Variants in COG5 observed in about 807,000 individuals in gnomAD.
COG5 encodes component of oligomeric golgi complex 5.
A neutral mutation model predicts 110.4 loss-of-function variants in COG5; 86 were observed. The ratio of observed to expected loss-of-function variants is 0.78; its 90% CI spans 0.65 to 0.93. The LOEUF is 0.93. COG5 is among the 40% of genes least tolerant of loss of function. The probability of loss-of-function intolerance (pLI) is 0.00; values close to 1 mark genes in which losing one functional copy is unlikely to be tolerated. For synonymous variants in COG5, 360 were observed against 334.6 expected, an observed-to-expected ratio of 1.08 and a Z score of -0.83; for missense variants, 1,077 against 987.0, an observed-to-expected ratio of 1.09 and a Z score of -1.22.
intron 11 of COG5, among the ~76,000 whole-genome samples, chr7:107,317,080 C>G (rs939652725): frequency 4.6e-5 from 7 of 152,064 alleles, no homozygotes; most frequent in Middle Eastern, 6.8e-3. Context: ...ATTTACCAAC[C>G]TATCTGAAAC....
intron 6 of COG5, among the ~76,000 whole-genome samples, chr7:107,424,182 A>G (rs1186249342): frequency 6.6e-6 from 1 of 152,088 alleles, no homozygotes; most frequent in East Asian, 1.9e-4. Flanking sequence ...CTGAGGCACA[A>G]GAATCACTTG....
At chr7:107,336,393 C>T (rs971511801) in intron 10 of COG5, among the ~76,000 whole-genome samples, 21 of 151,650 alleles carry the variant, frequency 1.4e-4, no homozygotes, top group African/African-American at 4.9e-4. Context: ...TGGAAAAAAT[C>T]GAGGAGAGAG....
intron 6 of COG5, among the ~76,000 whole-genome samples, chr7:107,436,543 A>G (rs1490841308): frequency 6.6e-6 from 1 of 152,202 alleles, no homozygotes; most frequent in Non-Finnish European, 1.5e-5. Flanking sequence ...TGGTTGCACA[A>G]CTATGTGAAT....
At chr7:107,330,714 A>G (rs1431689628) in intron 10 of COG5, among the ~76,000 whole-genome samples, 1 of 152,184 alleles carries the variant, frequency 6.6e-6, no homozygotes, top group Non-Finnish European at 1.5e-5. Flanking sequence ...GACTCTAGAA[A>G]GGTGACTTCA....
At chr7:107,334,172 G>A (rs923243335) in intron 10 of COG5, among the ~76,000 whole-genome samples, 4 of 152,052 alleles carry the variant, frequency 2.6e-5, no homozygotes, top group Non-Finnish European at 5.9e-5. Context: ...ACAGAGAAAC[G>A]GATTAAGAAA....
chr7:107,382,005 T>C (rs1466746145), intron 7 of COG5, among the ~76,000 whole-genome samples: 1 of 152,234 alleles, frequency 6.6e-6, no homozygotes. Flanking sequence ...ATTTTTCTTT[T>C]GCAACATGAC....
intron 1 of COG5, 115 bp from the exon 2 acceptor site, chr7:107,558,230 A>C (rs1584965716): frequency 1.1e-6 from 1 of 920,466 alleles, no homozygotes; most frequent in Non-Finnish European, 1.7e-6. Context: ...ACTCTGAACC[A>C]CTCCACTATA....
intron 6 of COG5, among the ~76,000 whole-genome samples, chr7:107,508,982 C>G (rs1419449581): frequency 6.6e-6 from 1 of 152,142 alleles, no homozygotes; most frequent in African/African-American, 2.4e-5. Context: ...CCCTAAAAAT[C>G]AGAGCGCCTC....
chr7:107,327,844 T>C (rs373794721), intron 10 of COG5, among the ~76,000 whole-genome samples: 1 of 152,132 alleles, frequency 6.6e-6, no homozygotes, highest in South Asian at 2.1e-4. Context: ...TTGTGCACTG[T>C]TGGTAGAAAT....
chr7:107,393,890 A>C (rs1790800431), intron 7 of COG5, among the ~76,000 whole-genome samples: 1 of 152,198 alleles, frequency 6.6e-6, no homozygotes, highest in Non-Finnish European at 1.5e-5. Context: ...ATCTTCTATG[A>C]AATTTCCTAA....
intron 11 of COG5, among the ~76,000 whole-genome samples, chr7:107,307,320 T>G (rs1288464283): frequency 6.6e-6 from 1 of 152,226 alleles, no homozygotes; most frequent in Non-Finnish European, 1.5e-5. Context: ...TCCTGTATTT[T>G]CTACTTCTCT....
chr7:107,516,271 G>T (rs1020443511), intron 6 of COG5, among the ~76,000 whole-genome samples: 1 of 152,062 alleles, frequency 6.6e-6, no homozygotes, highest in Non-Finnish European at 1.5e-5. Flanking sequence ...TCATCATCTT[G>T]GGTGAAGTGT....
Position 107,360,476 on chromosome 7 carries a change from A to C in COG5, c.1026+1557T>G, listed in dbSNP as rs921213307. The stretch of plus-strand genomic sequence containing the variant: ...CCACATTCTGGGCAACAAGAAGGAG[A>C]GAAGAGCTGTGGCCCTTTGGGAAGC... On this transcript the variant is annotated intron_variant, in intron 10 of 21. Coordinates refer to ENST00000297135, the MANE Select transcript of COG5 (RefSeq NM_006348.5). 2.0e-5 allele frequency among the ~76,000 whole-genome samples: 3 copies of C among 152,168 alleles called. 1 individual carries two copies. The South Asian group carries it at 6.2e-4, about 32-fold the overall frequency.
intron 3 of COG5, among the ~76,000 whole-genome samples, chr7:107,553,180 C>T (rs1803053350): frequency 6.6e-6 from 1 of 152,212 alleles, no homozygotes; most frequent in East Asian, 1.9e-4. Flanking sequence ...TACCCCAAAC[C>T]TCAGCATTAT....
At chr7:107,300,932 G>A (rs1422900732) in intron 11 of COG5, among the ~76,000 whole-genome samples, 1 of 152,050 alleles carries the variant, frequency 6.6e-6, no homozygotes, top group Admixed American at 6.6e-5. Flanking sequence ...TAATACACTA[G>A]TACTGGGGTA....
At chr7:107,393,473 C>T (rs1431857447) in intron 7 of COG5, among the ~76,000 whole-genome samples, 1 of 152,196 alleles carries the variant, frequency 6.6e-6, no homozygotes, top group African/African-American at 2.4e-5. Context: ...TTTAGACCTA[C>T]TGATTTTATT....
intron 6 of COG5, among the ~76,000 whole-genome samples, chr7:107,445,399 T>G (rs1424171846): frequency 6.6e-6 from 1 of 152,170 alleles, no homozygotes; most frequent in African/African-American, 2.4e-5. Flanking sequence ...TAAACTATCT[T>G]GCATACCACC....
chr7:107,380,161 G>C (rs763474284), intron 7 of COG5, among the ~76,000 whole-genome samples: 3 of 151,950 alleles, frequency 2.0e-5, no homozygotes, highest in Non-Finnish European at 4.4e-5. Flanking sequence ...AGAAACTCTG[G>C]GACACAGCTA....
intron 6 of COG5, among the ~76,000 whole-genome samples, chr7:107,500,545 T>C (rs1351914653): frequency 1.3e-5 from 2 of 152,186 alleles, no homozygotes; most frequent in African/African-American, 2.4e-5. Context: ...TATAAACTGA[T>C]TGGATTTTAG....
Sources: gnomAD v4.1 joint callset for allele counts (sites outside exome capture counted in the v4.1 genomes callset) on GRCh38, gnomAD v4.1.1 for gene constraint, MANE v1.5 for transcripts, NCBI Gene and HGNC (gene_info 2026-07-23, HGNC 2026-07-21) for gene names.